RGS7: variants seen among roughly 807,000 people sequenced by gnomAD.
RGS7 encodes the protein regulator of G protein signaling 7.
RGS7 carries 27 observed loss-of-function variants against 81.1 expected under a neutral mutation model. The observed-to-expected ratio is 0.33, with a 90% CI of 0.25 to 0.46. RGS7 has a LOEUF of 0.46. Ranked by LOEUF, RGS7 falls within the 20% of genes least tolerant of loss-of-function variation. RGS7 has a pLI of 1.00. For missense variants in RGS7, 396 were observed against 607.4 expected, an observed-to-expected ratio of 0.65 and a Z score of 3.66; for synonymous variants, 208 against 207.7, an observed-to-expected ratio of 1.00 and a Z score of -0.01.
At chr1:240,881,222 C>G (rs530173656) in intron 6 of RGS7, among the ~76,000 whole-genome samples, 47 of 151,930 alleles carry the variant, frequency 3.1e-4, no homozygotes, top group Admixed American at 5.2e-4. Context: ...AGCTGGAAAT[C>G]ATCATTCTGA....
chr1:241,181,325 G>A (rs2071599870), intron 2 of RGS7, among the ~76,000 whole-genome samples: 5 of 152,166 alleles, frequency 3.3e-5, no homozygotes, highest in Admixed American at 3.3e-4. Context: ...TATAGGAGAA[G>A]TCTTTATAGC....
intron 3 of RGS7, among the ~76,000 whole-genome samples, chr1:241,035,629 C>A (rs1349132550): frequency 6.6e-6 from 1 of 152,106 alleles, no homozygotes; most frequent in African/African-American, 2.4e-5. Context: ...ATCAGCATCA[C>A]CATTACCACC....
intron 4 of RGS7, among the ~76,000 whole-genome samples, chr1:240,950,901 T>C (rs1447227772): frequency 2.0e-5 from 3 of 152,006 alleles, no homozygotes; most frequent in Non-Finnish European, 1.5e-5. Context: ...ATACAAGATG[T>C]GCAGCTTTCT....
intron 9 of RGS7, among the ~76,000 whole-genome samples, chr1:240,836,102 T>C (rs1694687473): frequency 7.0e-6 from 1 of 143,738 alleles, no homozygotes; most frequent in Non-Finnish European, 1.5e-5. Context: ...GATATATCAG[T>C]GTCGGTTAAT....
intron 3 of RGS7, among the ~76,000 whole-genome samples, chr1:240,996,857 T>A (rs1687368836): frequency 6.6e-6 from 1 of 152,284 alleles, no homozygotes. Context: ...GGCTTAAGTA[T>A]GCCATTTTAT....
chr1:241,262,726 GA>G (rs2077398844), intron 2 of RGS7, among the ~76,000 whole-genome samples: 1 of 152,250 alleles, frequency 6.6e-6, no homozygotes, highest in African/African-American at 2.4e-5. Context: ...TTCTTCAAAA[GA>G]GTCATGGTTA....
intron 2 of RGS7, among the ~76,000 whole-genome samples, chr1:241,125,435 C>G (rs1444832877): frequency 2.0e-5 from 3 of 151,446 alleles, no homozygotes; most frequent in Admixed American, 6.6e-5. Context: ...TGGACACACA[C>G]ACACACACAC....
chr1:240,810,853 G>T (rs1207467148), intron 14 of RGS7, among the ~76,000 whole-genome samples: 2 of 152,162 alleles, frequency 1.3e-5, no homozygotes, highest in Non-Finnish European at 2.9e-5. Context: ...GCAAGATCTT[G>T]CAAAAGCCCA....
intron 3 of RGS7, among the ~76,000 whole-genome samples, chr1:241,052,872 A>T (rs746437578): frequency 6.6e-6 from 1 of 152,050 alleles, no homozygotes; most frequent in Non-Finnish European, 1.5e-5. Context: ...AATGTAGCCC[A>T]ATCATGTCAT....
chr1:240,991,171 C>T (rs1686403991), intron 3 of RGS7, among the ~76,000 whole-genome samples: 1 of 152,150 alleles, frequency 6.6e-6, no homozygotes. Context: ...CTTGGCTGTT[C>T]CTTGAGCAGA....
intron 3 of RGS7, among the ~76,000 whole-genome samples, chr1:241,089,805 A>G (rs1176368616): frequency 6.6e-6 from 1 of 152,078 alleles, no homozygotes; most frequent in Non-Finnish European, 1.5e-5. Context: ...GGAGATCGAG[A>G]CCATCCCGGC....
intron 6 of RGS7, among the ~76,000 whole-genome samples, chr1:240,906,622 C>T (rs1670861663): frequency 1.3e-5 from 2 of 152,236 alleles, no homozygotes; most frequent in Admixed American, 1.3e-4. Context: ...ACAAATAGCA[C>T]AGTGATCTAC....
intron 10 of RGS7, among the ~76,000 whole-genome samples, chr1:240,817,410 C>T (rs1690994020): frequency 6.6e-6 from 1 of 152,084 alleles, no homozygotes; most frequent in South Asian, 2.1e-4. Flanking sequence ...ATCCAGATGC[C>T]TAATGATGCC....
intron 2 of RGS7, among the ~76,000 whole-genome samples, chr1:241,338,015 G>A (rs1028921893): frequency 4.6e-5 from 7 of 152,070 alleles, no homozygotes; most frequent in Non-Finnish European, 7.4e-5. Context: ...TCCTCAAAAC[G>A]TCAGTTATTT....
At chr1:241,045,467 G>C (rs1043328461) in intron 3 of RGS7, among the ~76,000 whole-genome samples, 3 of 152,126 alleles carry the variant, frequency 2.0e-5, no homozygotes, top group Non-Finnish European at 4.4e-5. Context: ...AGATTCAAGA[G>C]ATTCTCCTGC....
chr1:241,227,063 G>A (rs1341630499), intron 2 of RGS7, among the ~76,000 whole-genome samples: 1 of 152,134 alleles, frequency 6.6e-6, no homozygotes, highest in East Asian at 1.9e-4. Context: ...ACAATACGAA[G>A]GTTGGCTGGC....
chr1:241,327,063 AGGAAGGAAGGAAGGAAG>A (rs2081583040), intron 2 of RGS7, among the ~76,000 whole-genome samples: 1 of 14,266 alleles, frequency 7.0e-5, no homozygotes, highest in African/African-American at 2.4e-4. Context: ...GGAAGGAAGA[AGGAAGGAAGGAAGGAAG>A]AGAAAGAAAG....
intron 4 of RGS7, among the ~76,000 whole-genome samples, chr1:240,957,608 G>T (rs1680655527): frequency 6.6e-6 from 1 of 152,174 alleles, no homozygotes. Flanking sequence ...GAAAAATAAA[G>T]GAAATCAGAA....
At chr1:241,195,521 A>T (rs921125419) in intron 2 of RGS7, among the ~76,000 whole-genome samples, 1 of 152,180 alleles carries the variant, frequency 6.6e-6, no homozygotes, top group Non-Finnish European at 1.5e-5. Context: ...CCAGCTAACA[A>T]GAGGGAAAGA....
Sources: gnomAD v4.1 joint callset for allele counts (sites outside exome capture counted in the v4.1 genomes callset) on GRCh38, gnomAD v4.1.1 for gene constraint, MANE v1.5 for transcripts, NCBI Gene and HGNC (gene_info 2026-07-23, HGNC 2026-07-21) for gene names.